Variants in ARHGAP18 observed in about 807,000 individuals in gnomAD.
The protein encoded by ARHGAP18 is rho GTPase-activating protein 18.
In ARHGAP18, 67 loss-of-function variants were observed where a neutral mutation model predicts 86.2. The ratio of observed to expected loss-of-function variants is 0.78; its 90% confidence interval spans 0.64 to 0.95. The LOEUF (loss-of-function observed/expected upper bound fraction) is 0.95. ARHGAP18 is among the 40% of genes least tolerant of loss of function. ARHGAP18 has a pLI of 0.00. For synonymous variants in ARHGAP18, 283 were observed against 280.4 expected (o/e 1.01, Z -0.09); for missense variants, 691 against 780.4 (o/e 0.89, Z 1.37).
chr6:129,591,356 G>A (rs1331132178), intron 12 of ARHGAP18, among the ~76,000 whole-genome samples: 1 of 152,094 alleles, frequency 6.6e-6, no homozygotes, highest in Non-Finnish European at 1.5e-5. Flanking sequence ...AGATAGGGGA[G>A]GAGCGTGCTT....
At chr6:129,702,785 A>G (rs1298759498) in intron 1 of ARHGAP18, among the ~76,000 whole-genome samples, 1 of 152,238 alleles carries the variant, frequency 6.6e-6, no homozygotes, top group Non-Finnish European at 1.5e-5. Context: ...GGATCACCTG[A>G]GGTCAGGAGT....
At chr6:129,620,815 A>G (rs370217461) in intron 5 of ARHGAP18, among the ~76,000 whole-genome samples, 15 of 152,362 alleles carry the variant, frequency 9.8e-5, no homozygotes, top group East Asian at 3.9e-4. Context: ...ATCCTTCCAA[A>G]AAGTTCAGAA....
chr6:129,578,371 T>C lies in ARHGAP18; in HGVS notation c.*142A>G, dbSNP rs1411310826. 1 of 430,468 alleles carries C rather than the reference T, an allele frequency of 2.3e-6. No homozygotes were observed. Among genetic ancestry groups the C allele is most frequent in the Non-Finnish European group, 4.0e-6 (1 of 253,148 alleles). 26.7% of individuals were successfully genotyped at this position (430,468 alleles called of 1,614,324 possible). On this transcript the variant is annotated 3_prime_UTR_variant, in exon 15 of 15. Coordinates refer to ENST00000368149, the MANE Select transcript of ARHGAP18 (RefSeq NM_033515.3). ...TCTGGCAGCAGCACAAATCTATGACTTTTTAAGGCTTAAGAGAGTCATTTT... is the reference window on the plus strand; with the variant it reads ...TCTGGCAGCAGCACAAATCTATGACCTTTTAAGGCTTAAGAGAGTCATTTT...
chr6:129,600,586 A>G, intron 11 of ARHGAP18, 56 bp downstream of exon 11: 1 of 1,416,322 alleles, frequency 7.1e-7, no homozygotes, highest in Non-Finnish European at 9.7e-7. Context: ...AGCTAATAAC[A>G]AACATGCAAT....
At chr6:129,702,770 C>A (rs906495727) in intron 1 of ARHGAP18, among the ~76,000 whole-genome samples, 1 of 152,132 alleles carries the variant, frequency 6.6e-6, no homozygotes, top group African/African-American at 2.4e-5. Flanking sequence ...GAGGCCTAGG[C>A]GGGTGGATCA....
rs561675720 is a variant in ARHGAP18, at chr6:129,690,092, C to T, written c.113+19932G>A. ...TCCGTTTATAATGTTTTATTCATTACAAAATCAACATAAATGTTCTGCCCA... is the reference window on the plus strand; with the variant it reads ...TCCGTTTATAATGTTTTATTCATTATAAAATCAACATAAATGTTCTGCCCA... On this transcript the variant is annotated intron_variant, in intron 1 of 14. Transcript: ENST00000368149. Among the ~76,000 whole-genome samples the T allele has an allele frequency of 2.6e-5, 4 of 152,030 alleles. No homozygotes were observed. In the South Asian group the frequency reaches 8.3e-4, roughly 32 times the overall value.
At chr6:129,578,826 TG>T (rs1788231611) in intron 14 of ARHGAP18, among the ~76,000 whole-genome samples, 1 of 152,098 alleles carries the variant, frequency 6.6e-6, no homozygotes, top group African/African-American at 2.4e-5. Flanking sequence ...TAGCTAGGCA[TG>T]GTGGCTTGCA....
intron 5 of ARHGAP18, among the ~76,000 whole-genome samples, chr6:129,625,006 T>TTATATATAA (rs1235169861): frequency 1.8e-5 from 1 of 54,590 alleles, no homozygotes; most frequent in South Asian, 4.4e-4. Flanking sequence ...TGATATATAT[T>TTATATATAA]TATATAATAT....
chr6:129,603,152 G>T (rs769322996), intron 10 of ARHGAP18, among the ~76,000 whole-genome samples: 1 of 151,754 alleles, frequency 6.6e-6, no homozygotes, highest in African/African-American at 2.4e-5. Flanking sequence ...CTTCTCCTAC[G>T]CTTCCACCGA....
chr6:129,588,687 T>G (rs780423058), intron 12 of ARHGAP18, among the ~76,000 whole-genome samples: 6 of 152,206 alleles, frequency 3.9e-5, no homozygotes, highest in Non-Finnish European at 7.4e-5. Context: ...AGTGTCCCAG[T>G]GGGGACTCTG....
At chr6:129,636,194 T>C (rs1386911420) in intron 3 of ARHGAP18, among the ~76,000 whole-genome samples, 3 of 152,130 alleles carry the variant, frequency 2.0e-5, no homozygotes, top group Non-Finnish European at 4.4e-5. Context: ...GGTAAGCAAG[T>C]GCTTAACTTA....
At chr6:129,686,925 G>A (rs1774434423) in intron 1 of ARHGAP18, among the ~76,000 whole-genome samples, 1 of 150,218 alleles carries the variant, frequency 6.7e-6, no homozygotes, top group African/African-American at 2.4e-5. Context: ...GGAGTAGTTG[G>A]GATTACAGGC....
At position 129,583,958 on chromosome 6, in the gene ARHGAP18, TGGCATAATTAACACAAAACA is replaced by T. The variant is rs1562676044; in HGVS notation, c.1838+10_1838+29del. The T allele has an allele frequency of 3.1e-6, 5 of 1,606,146 alleles. No homozygotes were observed. In the African/African-American group the frequency reaches 6.7e-5, roughly 22 times the overall value. On this transcript the variant is annotated intron_variant, in intron 13 of 14. Coordinates refer to ENST00000368149, the MANE Select transcript of ARHGAP18 (RefSeq NM_033515.3). ...GAGAGAGAGCAAGTGACTTATGCCA[TGGCATAATTAACACAAAACA>T]GGCCTCTACCTTTCTTGGCTGAGAA... is the stretch of plus-strand genomic sequence containing the variant.
chr6:129,644,789 T>C (rs1313199741), intron 1 of ARHGAP18, among the ~76,000 whole-genome samples: 5 of 152,228 alleles, frequency 3.3e-5, no homozygotes, highest in Admixed American at 1.3e-4. Flanking sequence ...AGATAGCATG[T>C]GCAGAAAAAT....
rs565399225 is a variant in ARHGAP18, at chr6:129,599,254, G to T, written c.1675C>A (p.Arg559=). ...KKLLKKMAYD[R]EKYEKQDKST... is the part of the protein sequence containing the mutation. ...TTATCTTGCTTTTCATATTTTTCTC[G>T]GTCATAAGCCATTTTCTTCAGCAAT... The change falls in exon 12 of 15, where the codon CGA becomes AGA. Residue 559 remains arginine (R), a synonymous_variant. Transcript: ENST00000368149. 21 of 1,577,910 alleles carry T rather than the reference G, an allele frequency of 1.3e-5. No individual in the cohort carries two copies. The Admixed American group carries it at 3.0e-4, about 23-fold the overall frequency.
At chr6:129,653,860 T>C (rs1021162328) in intron 1 of ARHGAP18, among the ~76,000 whole-genome samples, 1 of 149,000 alleles carries the variant, frequency 6.7e-6, no homozygotes, top group African/African-American at 2.5e-5. Context: ...CTGGGCAACA[T>C]AGTGAGACAT....
At chr6:129,657,442 A>AAAC (rs1347023325) in intron 1 of ARHGAP18, among the ~76,000 whole-genome samples, 1 of 151,810 alleles carries the variant, frequency 6.6e-6, no homozygotes, top group Non-Finnish European at 1.5e-5. Flanking sequence ...AAAAAAAAAA[A>AAAC]AAACAACTTA....
intron 14 of ARHGAP18, among the ~76,000 whole-genome samples, chr6:129,579,630 C>CA (rs1434085083): frequency 6.6e-6 from 1 of 152,040 alleles, no homozygotes; most frequent in African/African-American, 2.4e-5. Flanking sequence ...AGTGTGTGTG[C>CA]ATGTGTATAA....
At chr6:129,612,319 C>T (rs916621952) in intron 7 of ARHGAP18, among the ~76,000 whole-genome samples, 2 of 152,152 alleles carry the variant, frequency 1.3e-5, no homozygotes, top group Admixed American at 1.3e-4. Context: ...TAGGCATTCC[C>T]TGAGCAGTAC....
Sources: allele counts gnomAD v4.1 joint callset (sites outside exome capture counted in the v4.1 genomes callset), GRCh38; gene constraint gnomAD v4.1.1; transcripts MANE v1.5; gene names NCBI Gene and HGNC (gene_info 2026-07-23, HGNC 2026-07-21).